GSE1: variants seen among roughly 807,000 people sequenced by gnomAD.
The protein encoded by GSE1 is genetic suppressor element 1.
A neutral mutation model predicts 112.6 loss-of-function variants in GSE1; 32 were observed. That is an observed-to-expected ratio of 0.28 (90% CI 0.21 to 0.38). The LOEUF (loss-of-function observed/expected upper bound fraction) is 0.38, where lower values mean the gene tolerates loss of function less well. Among genes scored for constraint, GSE1 ranks in the 10% least tolerant of loss-of-function variants. GSE1 has a pLI of 1.00. For missense variants in GSE1, 2,348 were observed against 1,699.2 expected (o/e 1.38, Z -6.71); for synonymous variants, 1,115 against 735.6 (o/e 1.52, Z -8.35).
intron 2 of GSE1, among the ~76,000 whole-genome samples, chr16:85,485,572 C>T (rs1358952189): frequency 3.3e-5 from 5 of 152,366 alleles, no homozygotes; most frequent in Admixed American, 2.6e-4. Context: ...GCCGCCGCCG[C>T]GTTAAGGACA....
chr16:85,662,713 G>T, intron 9 of GSE1: 2 of 470,184 alleles, frequency 4.3e-6, no homozygotes, highest in East Asian at 3.7e-5. Context: ...CCCTGCCAGG[G>T]GGAGGAGGGA....
chr16:85,300,990 C>T (rs925800353), intron 1 of GSE1, among the ~76,000 whole-genome samples: 10 of 152,276 alleles, frequency 6.6e-5, no homozygotes, highest in Non-Finnish European at 1.0e-4. Flanking sequence ...TGGCAGCATT[C>T]GGCCACAGGG....
At chr16:85,182,186 G>T (rs1466091902) in intron 1 of GSE1, among the ~76,000 whole-genome samples, 3 of 151,716 alleles carry the variant, frequency 2.0e-5, no homozygotes, top group African/African-American at 4.8e-5. Context: ...CCAGGAGTCC[G>T]GGTAGTCTGG....
chr16:85,495,237 T>C (rs2051133188), intron 2 of GSE1, among the ~76,000 whole-genome samples: 1 of 151,928 alleles, frequency 6.6e-6, no homozygotes, highest in African/African-American at 2.4e-5. Context: ...GTCAAGCTAG[T>C]TTGGAAGACC....
At chr16:85,402,117 C>T (rs570421105) in intron 2 of GSE1, among the ~76,000 whole-genome samples, 11 of 152,332 alleles carry the variant, frequency 7.2e-5, no homozygotes, top group African/African-American at 2.6e-4. Context: ...AGGGTAGCAT[C>T]CTGTGCCGTT....
intron 1 of GSE1, among the ~76,000 whole-genome samples, chr16:85,236,023 C>CGGCTGG (rs1056844271): frequency 1.1e-3 from 151 of 134,390 alleles, no homozygotes; most frequent in Admixed American, 5.5e-3. Context: ...CCTGGGGCTG[C>CGGCTGG]GGCTGGGGCT....
chr16:85,280,092 A>G (rs1378537178), intron 1 of GSE1, among the ~76,000 whole-genome samples: 3 of 152,328 alleles, frequency 2.0e-5, no homozygotes, highest in Middle Eastern at 3.4e-3. Flanking sequence ...AGCGCTCGGA[A>G]GGTCTGCAGC....
intron 1 of GSE1, among the ~76,000 whole-genome samples, chr16:85,630,130 C>T (rs991992394): frequency 2.0e-5 from 3 of 152,162 alleles, no homozygotes; most frequent in East Asian, 1.9e-4. Context: ...GTGGGTTTCT[C>T]CATGACCTGC....
At chr16:85,229,679 C>T (rs1028580185) in intron 1 of GSE1, among the ~76,000 whole-genome samples, 9 of 152,252 alleles carry the variant, frequency 5.9e-5, no homozygotes, top group African/African-American at 2.2e-4. Flanking sequence ...CTCTTAACTG[C>T]TTCAAGAGAC....
intron 1 of GSE1, among the ~76,000 whole-genome samples, chr16:85,587,787 G>T (rs559557460): frequency 5.3e-5 from 8 of 152,120 alleles, no homozygotes; most frequent in African/African-American, 1.9e-4. Context: ...TTTCCTGCCG[G>T]TTGGCAAAGA....
At chr16:85,397,639 C>A (rs544394351) in intron 2 of GSE1, among the ~76,000 whole-genome samples, 1 of 152,212 alleles carries the variant, frequency 6.6e-6, no homozygotes, top group African/African-American at 2.4e-5. Flanking sequence ...GGGGCCTCCC[C>A]GGAGCACCAG....
At chr16:85,618,686 C>T (rs1398915459) in intron 1 of GSE1, among the ~76,000 whole-genome samples, 1 of 152,264 alleles carries the variant, frequency 6.6e-6, no homozygotes, top group African/African-American at 2.4e-5. Context: ...GAGACAGGGT[C>T]TTGCTCTGCT....
rs147178298 is a variant in GSE1 at position 85,369,979 on chromosome 16, C to T, written c.2464+12336C>T. Among the ~76,000 whole-genome samples the T allele has an allele frequency of 1.6e-3, 250 of 152,294 alleles. 1 individual carries two copies. The highest frequency in any genetic ancestry group is 5.7e-3 in the African/African-American group (236 of 41,566). On this transcript the variant is annotated intron_variant, in intron 2 of 2. Coordinates refer to the GSE1 transcript ENST00000637419. ...CAGTCCCCTCCTTGGGAACACGGGG[C>T]TGATGACGGAGCCCCCTTGAGAGGG...
upstream of GSE1, among the ~76,000 whole-genome samples, chr16:85,609,854 GC>G (rs1220854883): frequency 6.6e-6 from 1 of 152,056 alleles, no homozygotes; most frequent in African/African-American, 2.4e-5. Context: ...ACAGGGTTTT[GC>G]CATGTTGTCC....
chr16:85,308,881 A>G (rs2045751674), intron 1 of GSE1, among the ~76,000 whole-genome samples: 2 of 147,062 alleles, frequency 1.4e-5, no homozygotes, highest in South Asian at 2.3e-4. Flanking sequence ...GGACTGTGCT[A>G]TCTCGGATGA....
intron 2 of GSE1, among the ~76,000 whole-genome samples, chr16:85,390,684 C>T (rs1475089224): frequency 4.2e-5 from 4 of 96,076 alleles, no homozygotes; most frequent in African/African-American, 1.3e-4. Flanking sequence ...CGCCTTGTCC[C>T]CCCCACCGCC....
chr16:85,531,606 C>T (rs1360672053), intron 2 of GSE1, among the ~76,000 whole-genome samples: 1 of 152,240 alleles, frequency 6.6e-6, no homozygotes, highest in Admixed American at 6.5e-5. Context: ...TGGCTTCTGC[C>T]TGCCCCCCTT....
chr16:85,572,684 TCTC>T (rs1351653600), intron 1 of GSE1, among the ~76,000 whole-genome samples: 1 of 152,070 alleles, frequency 6.6e-6, no homozygotes, highest in African/African-American at 2.4e-5. Context: ...GGAACCCAGT[TCTC>T]CTCCCTCGGT....
chr16:85,294,734 A>C (rs971920701), intron 1 of GSE1, among the ~76,000 whole-genome samples: 4 of 130,840 alleles, frequency 3.1e-5, no homozygotes, highest in African/African-American at 5.7e-5. Context: ...TCTCTCCAGC[A>C]TGGGTGCTTC....
Sources: gnomAD v4.1 joint callset for allele counts (sites outside exome capture counted in the v4.1 genomes callset) on GRCh38, gnomAD v4.1.1 for gene constraint, MANE v1.5 for transcripts, NCBI Gene and HGNC (gene_info 2026-07-23, HGNC 2026-07-21) for gene names.